Variants in ADRA1B observed in about 807,000 individuals in gnomAD.
ADRA1B encodes alpha-1B adrenergic receptor.
A neutral mutation model predicts 17.9 loss-of-function variants in ADRA1B; 17 were observed. The ratio of observed to expected loss-of-function variants is 0.95; its 90% CI spans 0.65 to 1.42. The LOEUF (loss-of-function observed/expected upper bound fraction) is 1.42. ADRA1B is among the 40% of genes most tolerant of loss of function. ADRA1B has a pLI of 0.00. For synonymous variants in ADRA1B, 366 were observed against 327.6 expected, an observed-to-expected ratio of 1.12 and a Z score of -1.27; for missense variants, 681 against 722.1, an observed-to-expected ratio of 0.94 and a Z score of 0.65.
At chr5:159,970,607 G>A (rs763489504) in intron 1 of ADRA1B, among the ~76,000 whole-genome samples, 8 of 152,218 alleles carry the variant, frequency 5.3e-5, no homozygotes, top group Non-Finnish European at 1.0e-4. Flanking sequence ...GAGCAAAATG[G>A]CTGGGTCACA....
At chr5:159,926,332 T>C (rs912837442) in intron 1 of ADRA1B, among the ~76,000 whole-genome samples, 1 of 152,154 alleles carries the variant, frequency 6.6e-6, no homozygotes, top group African/African-American at 2.4e-5. Flanking sequence ...CCTTTATCCC[T>C]GGTTTATGGT....
chr5:159,981,046 C>T, the ADRA1B span, among the ~76,000 whole-genome samples: 1 of 152,188 alleles, frequency 6.6e-6, no homozygotes, highest in Non-Finnish European at 1.5e-5. Flanking sequence ...AGGAGCTGGA[C>T]TCATGAAGAG....
chr5:159,975,096 C>T (rs946044891), downstream of ADRA1B, among the ~76,000 whole-genome samples: 7 of 152,284 alleles, frequency 4.6e-5, no homozygotes, highest in East Asian at 7.7e-4. Flanking sequence ...ACTCCATTCC[C>T]GGAGAACAAG....
chr5:159,985,753 T>C, the ADRA1B span, among the ~76,000 whole-genome samples: 1 of 152,226 alleles, frequency 6.6e-6, no homozygotes. Context: ...GGACTCTGGA[T>C]CACTGAGAGG....
chr5:159,940,450 C>G (rs1755096039), intron 1 of ADRA1B, among the ~76,000 whole-genome samples: 1 of 152,128 alleles, frequency 6.6e-6, no homozygotes, highest in Admixed American at 6.6e-5. Context: ...ATCACCCTTA[C>G]TCCTGATGTT....
intron 1 of ADRA1B, among the ~76,000 whole-genome samples, chr5:159,909,695 A>G (rs1388169127): frequency 2.0e-5 from 3 of 152,246 alleles, no homozygotes; most frequent in African/African-American, 7.2e-5. Flanking sequence ...AATTCACTAC[A>G]TTCAGTTCAA....
intron 1 of ADRA1B, among the ~76,000 whole-genome samples, chr5:159,903,754 C>A (rs1454140027): frequency 6.6e-6 from 1 of 152,162 alleles, no homozygotes; most frequent in African/African-American, 2.4e-5. Context: ...AACCTCACAT[C>A]CCCTCATCTT....
chr5:159,960,941 C>T (rs1277742315), intron 1 of ADRA1B, among the ~76,000 whole-genome samples: 1 of 152,228 alleles, frequency 6.6e-6, no homozygotes, highest in Non-Finnish European at 1.5e-5. Context: ...AAGAGTCAGA[C>T]ATGAACCCTC....
intron 1 of ADRA1B, among the ~76,000 whole-genome samples, chr5:159,962,258 G>A (rs1755677302): frequency 1.3e-5 from 2 of 152,168 alleles, no homozygotes; most frequent in African/African-American, 4.8e-5. Context: ...ACAGTAAGGA[G>A]ATAGGGACAG....
At chr5:159,925,711 G>T (rs893405755) in intron 1 of ADRA1B, among the ~76,000 whole-genome samples, 1 of 152,050 alleles carries the variant, frequency 6.6e-6, no homozygotes, top group African/African-American at 2.4e-5. Flanking sequence ...AACCACATAC[G>T]TATATTCAAC....
chr5:159,965,713 G>T (rs933474490), intron 1 of ADRA1B, among the ~76,000 whole-genome samples: 7 of 152,226 alleles, frequency 4.6e-5, no homozygotes, highest in African/African-American at 1.7e-4. Flanking sequence ...ATCTGTGGCA[G>T]CCTGGCGGTC....
intron 1 of ADRA1B, among the ~76,000 whole-genome samples, chr5:159,906,567 A>C (rs1182544467): frequency 6.6e-6 from 1 of 152,216 alleles, no homozygotes; most frequent in African/African-American, 2.4e-5. Context: ...TCTGCATCTT[A>C]AGGCTTGCTC....
chr5:159,973,317 G>A (rs1415895386), downstream of ADRA1B, among the ~76,000 whole-genome samples: 1 of 152,202 alleles, frequency 6.6e-6, no homozygotes, highest in Admixed American at 6.5e-5. Flanking sequence ...ACCCTTAGCA[G>A]AATCTGAATC....
In ADRA1B at chr5:159,955,154, G is replaced by C; in HGVS notation, c.950-16725G>C. 7 of 985,434 alleles carry C rather than the reference G, an allele frequency of 7.1e-6. No homozygotes were observed. The South Asian group carries it at 3.3e-4, about 46-fold the overall frequency. 61.0% of individuals were successfully genotyped at this position (985,434 alleles called of 1,614,324 possible). A position where few individuals can be genotyped will look rare whatever the true frequency, so the allele number is the denominator to read the frequency against. ...AGACAAGAAAGGGCTCTGGTGAGAA[G>C]ACAAGACACCCTGGAGATGGTGTAC... On this transcript the variant is annotated intron_variant, in intron 1 of 1. Coordinates refer to ENST00000306675, the MANE Select transcript of ADRA1B (RefSeq NM_000679.4).
chr5:159,952,925 CCTT>C (rs1755473260), intron 1 of ADRA1B, among the ~76,000 whole-genome samples: 8 of 152,336 alleles, frequency 5.3e-5, no homozygotes, highest in Middle Eastern at 3.4e-3. Context: ...AGCTGAATAA[CCTT>C]CTTACATTAT....
chr5:159,988,245 G>A, the ADRA1B span, among the ~76,000 whole-genome samples: 1 of 152,198 alleles, frequency 6.6e-6, no homozygotes, highest in East Asian at 1.9e-4. Flanking sequence ...AAGGATGTGG[G>A]CAGACTCTGA....
chr5:159,916,869 C>T lies in ADRA1B; in HGVS notation c.-37C>T, dbSNP rs767208886. ...AGCCTTCGCCGCAGCCCTTCCGAGC[C>T]CAATCATCCCCCTGGCTATGGAGGG... On this transcript the variant is annotated 5_prime_UTR_variant, in exon 1 of 2. Coordinates refer to ENST00000306675, the MANE Select transcript of ADRA1B (RefSeq NM_000679.4). 5.1e-6 allele frequency: 8 copies of T among 1,562,034 alleles called. No homozygotes were observed. In the South Asian group the frequency reaches 9.6e-5, roughly 19 times the overall value.
intron 1 of ADRA1B, among the ~76,000 whole-genome samples, chr5:159,924,528 G>C (rs1754588293): frequency 1.3e-5 from 2 of 152,158 alleles, no homozygotes; most frequent in Non-Finnish European, 2.9e-5. Flanking sequence ...CCTCAGCTTT[G>C]ATGTGAGATT....
At chr5:159,929,335 C>G (rs1181240444) in intron 1 of ADRA1B, among the ~76,000 whole-genome samples, 1 of 152,098 alleles carries the variant, frequency 6.6e-6, no homozygotes, top group African/African-American at 2.4e-5. Context: ...TATCACAGAT[C>G]TGATTTCTAT....
Sources: gnomAD v4.1 joint callset for allele counts (sites outside exome capture counted in the v4.1 genomes callset) on GRCh38, gnomAD v4.1.1 for gene constraint, MANE v1.5 for transcripts, NCBI Gene and HGNC (gene_info 2026-07-23, HGNC 2026-07-21) for gene names.